ZNF827: variants seen among roughly 807,000 people sequenced by gnomAD.
ZNF827 encodes zinc finger protein 827.
In ZNF827, 13 loss-of-function variants were observed where a neutral mutation model predicts 102.4. The observed-to-expected ratio is 0.13, with a 90% CI of 0.08 to 0.20. The LOEUF (loss-of-function observed/expected upper bound fraction) is 0.20, where lower values mean the gene tolerates loss of function less well. Among genes scored for constraint, ZNF827 ranks in the 10% least tolerant of loss-of-function variants. The probability of loss-of-function intolerance (pLI) is 1.00; values close to 1 mark genes in which losing one functional copy is unlikely to be tolerated. For missense variants in ZNF827, 1,103 were observed against 1,344.4 expected, an observed-to-expected ratio of 0.82 and a Z score of 2.81; for synonymous variants, 523 against 536.2, an observed-to-expected ratio of 0.98 and a Z score of 0.34.
chr4:145,927,171 C>T (rs17020795), intron 1 of ZNF827, among the ~76,000 whole-genome samples: 15 of 152,000 alleles, frequency 9.9e-5, no homozygotes, highest in Admixed American at 2.6e-4. Flanking sequence ...TTAACAAGTA[C>T]GGCCAAACAA....
intron 8 of ZNF827, among the ~76,000 whole-genome samples, chr4:145,813,445 A>C (rs1742249508): frequency 6.6e-6 from 1 of 152,176 alleles, no homozygotes; most frequent in African/African-American, 2.4e-5. Flanking sequence ...TGTGTATAAG[A>C]AAAAACATAG....
intron 5 of ZNF827, among the ~76,000 whole-genome samples, chr4:145,858,126 C>T (rs1348061623): frequency 8.3e-6 from 1 of 120,532 alleles, no homozygotes; most frequent in African/African-American, 3.3e-5. Flanking sequence ...GATGTGTGTG[C>T]ATGTGTGAGT....
intron 1 of ZNF827, among the ~76,000 whole-genome samples, chr4:145,936,942 C>T (rs946719915): frequency 1.3e-5 from 2 of 151,948 alleles, no homozygotes; most frequent in African/African-American, 4.8e-5. Context: ...AATTGACCCT[C>T]CGTCTCCCCC....
intron 2 of ZNF827, among the ~76,000 whole-genome samples, chr4:145,901,787 G>T (rs1579519480): frequency 6.6e-6 from 1 of 152,086 alleles, no homozygotes; most frequent in Non-Finnish European, 1.5e-5. Context: ...AAAAGCAGTG[G>T]GTTTTTTTCC....
intron 5 of ZNF827, among the ~76,000 whole-genome samples, chr4:145,865,625 T>C (rs1479694253): frequency 6.6e-6 from 1 of 152,156 alleles, no homozygotes. Flanking sequence ...CCTTAGCAAA[T>C]TAGAGAGGTT....
chr4:145,905,218 T>G (rs1190707879), intron 1 of ZNF827, among the ~76,000 whole-genome samples: 2 of 152,250 alleles, frequency 1.3e-5, no homozygotes, highest in East Asian at 3.8e-4. Context: ...TCAATGTATG[T>G]GTAGGGATTG....
chr4:145,847,400 G>A (rs1746099628), intron 6 of ZNF827, among the ~76,000 whole-genome samples: 3 of 152,166 alleles, frequency 2.0e-5, no homozygotes, highest in Non-Finnish European at 4.4e-5. Flanking sequence ...TTCCGCCTCT[G>A]ACTTTGATGA....
chr4:145,770,907 C>T (rs545106932), intron 11 of ZNF827: 15 of 152,114 alleles, frequency 9.9e-5, no homozygotes, highest in Non-Finnish European at 1.5e-4. Context: ...TTTACAACTC[C>T]GCAGGGCAAC....
intron 4 of ZNF827, among the ~76,000 whole-genome samples, chr4:145,885,172 T>C (rs1228728107): frequency 6.6e-6 from 1 of 152,104 alleles, no homozygotes; most frequent in Non-Finnish European, 1.5e-5. Context: ...TTCTTAAAGA[T>C]AGTTATCATT....
At chr4:145,874,386 G>T (rs1297681574) in intron 4 of ZNF827, among the ~76,000 whole-genome samples, 2 of 152,250 alleles carry the variant, frequency 1.3e-5, no homozygotes, top group Non-Finnish European at 1.5e-5. Context: ...TCACTCATTT[G>T]CCCAAGTTTT....
At chr4:145,852,075 G>A (rs1054715041) in intron 5 of ZNF827, among the ~76,000 whole-genome samples, 9 of 152,126 alleles carry the variant, frequency 5.9e-5, no homozygotes, top group Admixed American at 2.0e-4. Context: ...ATAATGATGC[G>A]TCTGAATCTT....
intron 5 of ZNF827, among the ~76,000 whole-genome samples, chr4:145,851,577 G>C (rs1746539554): frequency 6.6e-6 from 1 of 152,192 alleles, no homozygotes; most frequent in African/African-American, 2.4e-5. Flanking sequence ...AAGATCTTAT[G>C]TAAGAAGAGT....
intron 8 of ZNF827, among the ~76,000 whole-genome samples, chr4:145,784,517 T>C (rs1366351557): frequency 1.3e-5 from 2 of 152,144 alleles, no homozygotes; most frequent in Non-Finnish European, 2.9e-5. Context: ...CAGCAACAAG[T>C]GTACACCCAG....
intron 11 of ZNF827, among the ~76,000 whole-genome samples, chr4:145,766,633 GAGACAC>G (rs1735343215): frequency 6.6e-6 from 1 of 152,170 alleles, no homozygotes; most frequent in African/African-American, 2.4e-5. Flanking sequence ...AACAACCCCA[GAGACAC>G]AGAGAGGGTC....
chr4:145,793,927 T>G (rs74559330), intron 8 of ZNF827, among the ~76,000 whole-genome samples: 2,483 of 152,168 alleles, frequency 0.016, 64 homozygotes, highest in African/African-American at 0.057. Context: ...CCTAAGGTCC[T>G]CCAGTGAAAC....
intron 4 of ZNF827, chr4:145,876,865 T>C (rs1350305109): frequency 1.3e-5 from 2 of 152,184 alleles, no homozygotes; most frequent in Admixed American, 1.3e-4. Context: ...GATCCTGAAA[T>C]TACAAGACAA....
rs151094363 is a variant in ZNF827 at position 145,854,317 on chromosome 4, T to C, written c.1982-4756A>G. 3.5e-3 allele frequency among the ~76,000 whole-genome samples: 531 copies of C among 151,846 alleles called. 6 individuals are homozygous for C. The highest frequency in any genetic ancestry group is 0.021 in the South Asian group (100 of 4,790). On this transcript the variant is annotated intron_variant, in intron 5 of 14. Transcript: ENST00000508784. The stretch of plus-strand genomic sequence containing the variant: ...TTTGTGACATGGAGATGGGAAGTCA[T>C]CTGAATTCATGGGACAGAGTGAGGT...
chr4:145,854,901 G>T (rs963898076), intron 5 of ZNF827, among the ~76,000 whole-genome samples: 5 of 152,130 alleles, frequency 3.3e-5, no homozygotes, highest in African/African-American at 1.2e-4. Context: ...ATTTTGTGTA[G>T]ATTCATTTCC....
intron 5 of ZNF827, among the ~76,000 whole-genome samples, chr4:145,860,062 A>C (rs1317850386): frequency 6.6e-6 from 1 of 152,158 alleles, no homozygotes; most frequent in African/African-American, 2.4e-5. Flanking sequence ...AGCTCTTTGG[A>C]AAAAAAGTTC....
Sources: gnomAD v4.1 joint callset for allele counts (sites outside exome capture counted in the v4.1 genomes callset) on GRCh38, gnomAD v4.1.1 for gene constraint, MANE v1.5 for transcripts, NCBI Gene and HGNC (gene_info 2026-07-23, HGNC 2026-07-21) for gene names.